Variants in AP2B1 observed in about 807,000 individuals in gnomAD.
AP2B1 encodes AP-2 complex subunit beta.
Under a neutral mutation model 102.0 loss-of-function variants are expected in AP2B1, and 23 were observed. That is an observed-to-expected ratio of 0.23 (90% confidence interval 0.16 to 0.32). AP2B1 has a LOEUF of 0.32. Ranked by LOEUF, AP2B1 falls within the 10% of genes least tolerant of loss-of-function variation. AP2B1 has a pLI of 1.00. For missense variants in AP2B1, 541 were observed against 1,157.4 expected (o/e 0.47, Z 7.73); for synonymous variants, 381 against 421.2 (o/e 0.90, Z 1.17).
In AP2B1 at chr17:35,721,529, G is replaced by A. The variant is rs146989027; in HGVS notation, c.2782-2096G>A. ...GTCAGAGGCTGGGGTGGAGGTAGGG[G>A]TGGGGAGGTGTGGATATTAAGAGTC... On this transcript the variant is annotated intron_variant, in intron 21 of 21. Coordinates refer to ENST00000610402, the MANE Select transcript of AP2B1 (RefSeq NM_001030006.2). Among the ~76,000 whole-genome samples, 121 of 152,276 alleles carry A rather than the reference G, an allele frequency of 7.9e-4. No homozygotes were observed. The East Asian group carries it at 0.021, about 27-fold the overall frequency.
chr17:35,664,716 T>C (rs1323866301), intron 14 of AP2B1, among the ~76,000 whole-genome samples: 1 of 152,226 alleles, frequency 6.6e-6, no homozygotes, highest in Non-Finnish European at 1.5e-5. Context: ...AGAATGGTCC[T>C]TGCAACCTTA....
At chr17:35,694,646 C>T (rs2076105966) in intron 18 of AP2B1, among the ~76,000 whole-genome samples, 1 of 152,090 alleles carries the variant, frequency 6.6e-6, no homozygotes, top group African/African-American at 2.4e-5. Context: ...GAGGTTGAGG[C>T]AGTTGGATCA....
At chr17:35,710,909 G>C (rs149497923) in intron 20 of AP2B1, among the ~76,000 whole-genome samples, 1 of 151,540 alleles carries the variant, frequency 6.6e-6, no homozygotes, top group Non-Finnish European at 1.5e-5. Context: ...CTCTATAAAA[G>C]AAAAAAAAGC....
chr17:35,620,888 C>T (rs1457624343), intron 5 of AP2B1, among the ~76,000 whole-genome samples: 1 of 152,196 alleles, frequency 6.6e-6, no homozygotes, highest in Non-Finnish European at 1.5e-5. Flanking sequence ...CCATTGTTCT[C>T]TTTCTGTCAG....
At chr17:35,614,230 C>G (rs1307569682) in intron 5 of AP2B1, among the ~76,000 whole-genome samples, 1 of 152,066 alleles carries the variant, frequency 6.6e-6, no homozygotes, top group East Asian at 1.9e-4. Flanking sequence ...CCTGGTCTTG[C>G]TCTGTCACCC....
At chr17:35,699,942 CAG>C (rs1260285041) in intron 18 of AP2B1, among the ~76,000 whole-genome samples, 2 of 151,724 alleles carry the variant, frequency 1.3e-5, no homozygotes, top group African/African-American at 4.8e-5. Flanking sequence ...ACAAAAATAA[CAG>C]AGTTAGCCAA....
At chr17:35,712,273 G>C (rs1247824093) in intron 20 of AP2B1, among the ~76,000 whole-genome samples, 1 of 152,166 alleles carries the variant, frequency 6.6e-6, no homozygotes, top group Non-Finnish European at 1.5e-5. Flanking sequence ...TCACCTTTGT[G>C]GGAGTTGGTT....
At chr17:35,612,012 C>T (rs2073880179) in intron 5 of AP2B1, among the ~76,000 whole-genome samples, 1 of 152,132 alleles carries the variant, frequency 6.6e-6, no homozygotes, top group African/African-American at 2.4e-5. Context: ...TTTAAAGCTA[C>T]TTGGTAGATT....
rs142338026 is a variant in AP2B1 at position 35,664,572 on chromosome 17, A to G, written c.1990-6285A>G. ...ATGATTCACTTCAAGATTGTCTCCC[A>G]GGAAATACTGCCAGTAGCCATATAT... On this transcript the variant is annotated intron_variant, in intron 14 of 21. Transcript: ENST00000610402. Among the ~76,000 whole-genome samples the G allele has an allele frequency of 3.0e-3, 456 of 152,322 alleles. 10 individuals carry two copies. The highest frequency in any genetic ancestry group is 0.026 in the Admixed American group (394 of 15,308).
At chr17:35,636,590 AC>A in intron 10 of AP2B1, 134 bp downstream of exon 10, 1 of 552,134 alleles carries the variant, frequency 1.8e-6, no homozygotes, top group Non-Finnish European at 2.8e-6. Context: ...AAAATCGGAA[AC>A]ATTAAAATGG....
At chr17:35,713,856 C>G (rs752948295) in intron 20 of AP2B1, 13 of 152,176 alleles carry the variant, frequency 8.5e-5, no homozygotes, top group Non-Finnish European at 1.5e-4. Context: ...AATGTTAGAT[C>G]AGAAAGCTGC....
chr17:35,691,038 G>A (rs890316337), intron 18 of AP2B1, among the ~76,000 whole-genome samples: 4 of 151,778 alleles, frequency 2.6e-5, no homozygotes, highest in Non-Finnish European at 4.4e-5. Flanking sequence ...AAACATTGTC[G>A]AATAAGAGGC....
chr17:35,721,521 A>AG (rs1427293148), intron 21 of AP2B1, among the ~76,000 whole-genome samples: 4 of 152,046 alleles, frequency 2.6e-5, no homozygotes, highest in East Asian at 3.9e-4. Context: ...GCTGGGGTGG[A>AG]GGTAGGGGTG....
chr17:35,605,588 G>A (rs2073647528), intron 3 of AP2B1, 117 bp from the exon 4 acceptor site: 1 of 762,516 alleles, frequency 1.3e-6, no homozygotes, highest in Non-Finnish European at 2.2e-6. Context: ...AGTTACCACT[G>A]TGGGGACATT....
chr17:35,697,990 C>G (rs962702970), intron 18 of AP2B1, among the ~76,000 whole-genome samples: 1 of 152,118 alleles, frequency 6.6e-6, no homozygotes, highest in African/African-American at 2.4e-5. Context: ...TGTCTTTTAG[C>G]AATAGATATT....
chr17:35,623,158 A>G (rs940868306), intron 5 of AP2B1, among the ~76,000 whole-genome samples: 8 of 149,386 alleles, frequency 5.4e-5, no homozygotes, highest in African/African-American at 2.0e-4. Context: ...CTTCCTTTGT[A>G]GATTTCTTAA....
intron 11 of AP2B1, among the ~76,000 whole-genome samples, chr17:35,640,049 T>G (rs1256046072): frequency 6.6e-6 from 1 of 151,680 alleles, no homozygotes; most frequent in East Asian, 1.9e-4. Flanking sequence ...CCCAAGTAGC[T>G]GGGATTATAG....
chr17:35,715,174 A>G (rs1033210843), intron 20 of AP2B1, among the ~76,000 whole-genome samples: 10 of 152,222 alleles, frequency 6.6e-5, no homozygotes, highest in Non-Finnish European at 1.0e-4. Flanking sequence ...CAGTACAGTC[A>G]TTCATTAGGA....
At chr17:35,711,177 C>T (rs782253552) in intron 20 of AP2B1, among the ~76,000 whole-genome samples, 5 of 152,300 alleles carry the variant, frequency 3.3e-5, no homozygotes, top group Middle Eastern at 3.4e-3. Context: ...GTTGCTCTCT[C>T]TTTCTCTTTA....
Sources: gnomAD v4.1 joint callset for allele counts (sites outside exome capture counted in the v4.1 genomes callset) on GRCh38, gnomAD v4.1.1 for gene constraint, MANE v1.5 for transcripts, NCBI Gene and HGNC (gene_info 2026-07-23, HGNC 2026-07-21) for gene names.